The following KCNQ1 variants were observed in gnomAD, a reference collection of about 807,000 sequenced individuals.
KCNQ1 encodes potassium voltage-gated channel subfamily KQT member 1.
A neutral mutation model predicts 72.4 loss-of-function variants in KCNQ1; 49 were observed. That is an observed-to-expected ratio of 0.68 (90% confidence interval 0.54 to 0.86). KCNQ1 has a LOEUF of 0.86. Ranked by LOEUF, KCNQ1 falls within the 40% of genes least tolerant of loss-of-function variation. The pLI, the probability that KCNQ1 is intolerant of heterozygous loss-of-function variation, is 0.00. For synonymous variants in KCNQ1, 450 were observed against 412.6 expected, an observed-to-expected ratio of 1.09 and a Z score of -1.10; for missense variants, 790 against 945.1, an observed-to-expected ratio of 0.84 and a Z score of 2.15.
rs527617033 is a variant in KCNQ1 at position 2,542,633 on chromosome 11, G to A, written c.477+14615G>A. ...CCCCTCCTCCGCTGCTCCTGGCTCCGGAGGGGACCCCTGGTCTGTCTTGTC... is the reference window on the plus strand; with the variant it reads ...CCCCTCCTCCGCTGCTCCTGGCTCCAGAGGGGACCCCTGGTCTGTCTTGTC... On this transcript the variant is annotated intron_variant, in intron 2 of 15. Coordinates refer to ENST00000155840, the MANE Select transcript of KCNQ1 (RefSeq NM_000218.3). Among the ~76,000 whole-genome samples the A allele has an allele frequency of 8.5e-5, 13 of 152,320 alleles. No homozygotes were observed. In the East Asian group the frequency reaches 2.5e-3, roughly 29 times the overall value.
At chr11:2,798,438 G>A (rs1847184855) in intron 15 of KCNQ1, among the ~76,000 whole-genome samples, 1 of 152,020 alleles carries the variant, frequency 6.6e-6, no homozygotes. Context: ...CCGTCTGGGG[G>A]GCCTCCTTAC....
chr11:2,445,675 G>A (rs1219667526), intron 1 of KCNQ1, among the ~76,000 whole-genome samples, 191 bp downstream of exon 1: 1 of 152,124 alleles, frequency 6.6e-6, no homozygotes, highest in Non-Finnish European at 1.5e-5. Context: ...TGTGTCTGGG[G>A]GTGCGCATCT....
At chr11:2,800,940 C>T (rs1261924138) in intron 15 of KCNQ1, among the ~76,000 whole-genome samples, 11 of 152,246 alleles carry the variant, frequency 7.2e-5, no homozygotes, top group Non-Finnish European at 1.0e-4. Flanking sequence ...TCTCAGAGCC[C>T]ATTCTAGAGA....
intron 2 of KCNQ1, among the ~76,000 whole-genome samples, chr11:2,540,328 A>T (rs1847804085): frequency 6.6e-6 from 1 of 152,186 alleles, no homozygotes; most frequent in African/African-American, 2.4e-5. Context: ...GCACCATTGA[A>T]GTGTGTCATC....
intron 15 of KCNQ1, among the ~76,000 whole-genome samples, chr11:2,798,719 T>C (rs1455530539): frequency 1.3e-5 from 2 of 152,210 alleles, no homozygotes; most frequent in Non-Finnish European, 2.9e-5. Context: ...GCGAGACAAA[T>C]GTGAAAACTG....
At chr11:2,571,426 C>T in intron 4 of KCNQ1, 23 bp downstream of exon 4, 7 of 1,594,972 alleles carry the variant, frequency 4.4e-6, no homozygotes, top group Non-Finnish European at 6.0e-6. Flanking sequence ...CACAAGCTCC[C>T]CCCGCCATGC....
Position 2,464,866 on chromosome 11 carries a change from C to T in KCNQ1, c.386+19382C>T, listed in dbSNP as rs912066200. Among the ~76,000 whole-genome samples, 1 of 152,134 alleles carries T rather than the reference C, an allele frequency of 6.6e-6. No individual in the cohort carries two copies. Among genetic ancestry groups the T allele is most frequent in the African/African-American group, 2.4e-5 (1 of 41,408 alleles). Reference sequence around the variant, plus strand: ...CCACAGGGCGCTTCTCTTCTCTTTTCCTGTGTGTTAAGGTAGTTCAAAGTC... The same window carrying T: ...CCACAGGGCGCTTCTCTTCTCTTTTTCTGTGTGTTAAGGTAGTTCAAAGTC... On this transcript the variant is annotated intron_variant, in intron 1 of 15. Coordinates refer to ENST00000155840, the MANE Select transcript of KCNQ1 (RefSeq NM_000218.3). The surrounding 1 kb of genome is among the most constrained non-coding windows in gnomAD (Gnocchi z 5.0).
rs930721046 is a variant in KCNQ1, at chr11:2,710,255, T to C, written c.1514+48174T>C. ...CGATGACTAATGATGTTGAGCATCT[T>C]ATTAGCCATTTGTATCTCTTCTTTG... On this transcript the variant is annotated intron_variant, in intron 11 of 15. Transcript: ENST00000155840. This position sits in a 1 kb window ranked among gnomAD's most constrained non-coding sequence, Gnocchi z 4.1. Among the ~76,000 whole-genome samples the C allele has an allele frequency of 6.6e-6, 1 of 152,268 alleles. No individual in the cohort carries two copies. The highest frequency in any genetic ancestry group is 1.5e-5 in the Non-Finnish European group (1 of 68,050).
chr11:2,811,003 C>T (rs1359220592), intron 15 of KCNQ1, among the ~76,000 whole-genome samples: 1 of 152,228 alleles, frequency 6.6e-6, no homozygotes, highest in Non-Finnish European at 1.5e-5. Context: ...CCCGCCTTCC[C>T]AGCATGGCAT....
chr11:2,656,208 C>T (rs1284423034), intron 10 of KCNQ1: 2 of 398,290 alleles, frequency 5.0e-6, no homozygotes, highest in Non-Finnish European at 8.8e-6. Flanking sequence ...AAATTGAATC[C>T]TGGATGAAGT....
chr11:2,722,995 G>T (rs750144825), intron 11 of KCNQ1, among the ~76,000 whole-genome samples: 1 of 152,216 alleles, frequency 6.6e-6, no homozygotes, highest in Non-Finnish European at 1.5e-5. Context: ...CTCGGGGCAG[G>T]CTCACCTCAC....
In KCNQ1 at chr11:2,663,146, C is replaced by G. The variant is rs975739879; in HGVS notation, c.1514+1065C>G. 4 of 398,606 alleles carry G rather than the reference C, an allele frequency of 1.0e-5. No homozygotes were observed. The highest frequency in any genetic ancestry group is 1.8e-5 in the Non-Finnish European group (4 of 226,154). The allele number at this position is 398,606 out of a possible 1,614,324, so 24.7% of individuals were successfully genotyped here. On this transcript the variant is annotated intron_variant, in intron 11 of 15. Transcript: ENST00000155840. The surrounding 1 kb of genome is among the most constrained non-coding windows in gnomAD (Gnocchi z 5.2). ...ATTATGATCAGACAGGACCTGCCCACTGTCTTTCCAGGCCCCCCCAGTTCA... is the reference window on the plus strand; with the variant it reads ...ATTATGATCAGACAGGACCTGCCCAGTGTCTTTCCAGGCCCCCCCAGTTCA...
rs967062370 is a variant in KCNQ1 at position 2,593,498 on chromosome 11, G to A, written c.1393+4644G>A. 5.9e-5 allele frequency among the ~76,000 whole-genome samples: 9 copies of A among 152,340 alleles called. No individual in the cohort carries two copies. Among genetic ancestry groups the A allele is most frequent in the Admixed American group, 3.3e-4 (5 of 15,306 alleles). On this transcript the variant is annotated intron_variant, in intron 10 of 15. Transcript: ENST00000155840. The surrounding 1 kb of genome is among the most constrained non-coding windows in gnomAD (Gnocchi z 6.9). ...GATTCTGAAGGGCTTCTGGGGAGGC[G>A]TCTTCAAAGCTGTGCCTGTGTGTGT...
In KCNQ1 at chr11:2,447,825, G is replaced by A. The variant is rs1195614906; in HGVS notation, c.386+2341G>A. Among the ~76,000 whole-genome samples, 10 of 152,294 alleles carry A rather than the reference G, an allele frequency of 6.6e-5. No individual in the cohort carries two copies. The East Asian group carries it at 9.7e-4, about 15-fold the overall frequency. On this transcript the variant is annotated intron_variant, in intron 1 of 15. Coordinates refer to ENST00000155840, the MANE Select transcript of KCNQ1 (RefSeq NM_000218.3). This position sits in a 1 kb window ranked among gnomAD's most constrained non-coding sequence, Gnocchi z 7.6. Reference sequence around the variant, plus strand: ...GTGCAGGGGGGTTGAGGCAGGAGCCGGTGTTCCGCTGACCCTACAGGGCTA... The same window carrying A: ...GTGCAGGGGGGTTGAGGCAGGAGCCAGTGTTCCGCTGACCCTACAGGGCTA...
At position 2,526,320 on chromosome 11, in the gene KCNQ1, G is replaced by A. The variant is rs1171575071; in HGVS notation, c.387-1608G>A. Among the ~76,000 whole-genome samples the A allele has an allele frequency of 1.3e-5, 2 of 152,110 alleles. No individual in the cohort carries two copies. The highest frequency in any genetic ancestry group is 4.8e-5 in the African/African-American group (2 of 41,408). On this transcript the variant is annotated intron_variant, in intron 1 of 15. Transcript: ENST00000155840. This position sits in a 1 kb window ranked among gnomAD's most constrained non-coding sequence, Gnocchi z 6.1. ...GTGCAGACAGGGGCTGGCTGGGTTC[G>A]GCTCTGCAGGTAGAGCTGACCGGTG...
rs772718925 is a variant in KCNQ1 at position 2,715,564 on chromosome 11, C to A, written c.1515-53280C>A. Among the ~76,000 whole-genome samples the A allele has an allele frequency of 9.2e-5, 14 of 152,092 alleles. No homozygotes were observed. The highest frequency in any genetic ancestry group is 4.1e-4 in the South Asian group (2 of 4,826). ...GTACCTGGGGATGCCTGTGCCCAAG[C>A]CTTCCTCTTCCACCACCCCTGCTGG... On this transcript the variant is annotated intron_variant, in intron 11 of 15. Coordinates refer to ENST00000155840, the MANE Select transcript of KCNQ1 (RefSeq NM_000218.3). The surrounding 1 kb of genome is among the most constrained non-coding windows in gnomAD (Gnocchi z 4.9).
intron 10 of KCNQ1, chr11:2,616,144 A>G (rs913827903): frequency 7.5e-6 from 3 of 397,548 alleles, no homozygotes; most frequent in Non-Finnish European, 8.9e-6. Context: ...ACAGTTATTC[A>G]TAGTATTCTT....
chr11:2,844,020 C>T (rs1440610974), intron 15 of KCNQ1, among the ~76,000 whole-genome samples: 1 of 152,230 alleles, frequency 6.6e-6, no homozygotes, highest in Non-Finnish European at 1.5e-5. Context: ...AGGGCGGCAG[C>T]TCCCCGATGG....
rs1368435107 is a variant in KCNQ1, at chr11:2,824,637, GGAGA to G, written c.1795-23126_1795-23123del. Among the ~76,000 whole-genome samples the G allele has an allele frequency of 6.6e-6, 1 of 152,130 alleles. No individual in the cohort carries two copies. The highest frequency in any genetic ancestry group is 1.5e-5 in the Non-Finnish European group (1 of 68,018). On this transcript the variant is annotated intron_variant, in intron 15 of 15. Transcript: ENST00000155840. The surrounding 1 kb of genome is among the most constrained non-coding windows in gnomAD (Gnocchi z 5.9). ...TGCCTGGCAAGAGATTGCAGGGAGA[GGAGA>G]GAGTGAGAATGGGGCCACTCAAGGG...
Sources: allele counts gnomAD v4.1 joint callset (sites outside exome capture counted in the v4.1 genomes callset), GRCh38; gene constraint gnomAD v4.1.1; non-coding constraint Gnocchi (gnomAD v3.1); transcripts MANE v1.5; gene names NCBI Gene and HGNC (gene_info 2026-07-23, HGNC 2026-07-21).